The following SDHAF4 variants were observed in gnomAD, a reference collection of about 807,000 sequenced individuals.
SDHAF4 encodes succinate dehydrogenase assembly factor 4, mitochondrial.
SDHAF4 carries 14 observed loss-of-function variants against 14.3 expected under a neutral mutation model. The ratio of observed to expected loss-of-function variants is 0.98; its 90% CI spans 0.65 to 1.53. The LOEUF (loss-of-function observed/expected upper bound fraction) is 1.53, where lower values mean the gene tolerates loss of function less well. SDHAF4 is among the 40% of genes most tolerant of loss of function. SDHAF4 has a pLI of 0.00. For synonymous variants in SDHAF4, 63 were observed against 47.3 expected, an observed-to-expected ratio of 1.33 and a Z score of -1.36; for missense variants, 141 against 129.3, an observed-to-expected ratio of 1.09 and a Z score of -0.44.
downstream of SDHAF4, among the ~76,000 whole-genome samples, chr6:70,590,120 C>T (rs1765245600): frequency 6.6e-6 from 1 of 152,136 alleles, no homozygotes; most frequent in Non-Finnish European, 1.5e-5. Context: ...GGCCTGTAAT[C>T]CCAGCTACTT....
At chr6:70,594,968 A>G in the SDHAF4 span, among the ~76,000 whole-genome samples, 1 of 151,974 alleles carries the variant, frequency 6.6e-6, no homozygotes, top group Admixed American at 6.6e-5. Flanking sequence ...CTATTCTTTT[A>G]TAAGCAACAG....
At chr6:70,578,773 G>A (rs1055716037) in intron 1 of SDHAF4, among the ~76,000 whole-genome samples, 1 of 152,094 alleles carries the variant, frequency 6.6e-6, no homozygotes, top group Non-Finnish European at 1.5e-5. Context: ...ACAAATAGGG[G>A]TCCAGTTTCA....
chr6:70,597,299 A>ATTTTTTTTTTTTTTTTTTTTTTTTTTT, the SDHAF4 span, among the ~76,000 whole-genome samples: 2 of 108,100 alleles, frequency 1.9e-5, no homozygotes, highest in African/African-American at 3.9e-5. Flanking sequence ...CGCCTGGCTA[A>ATTTTTTTTTTTTTTTTTTTTTTTTTTT]TTTTTTTTTT....
downstream of SDHAF4, among the ~76,000 whole-genome samples, chr6:70,592,923 G>C (rs1765270779): frequency 6.6e-6 from 1 of 152,190 alleles, no homozygotes; most frequent in African/African-American, 2.4e-5. Flanking sequence ...GATCCCAAAG[G>C]CATTTCAGAA....
intron 2 of SDHAF4, among the ~76,000 whole-genome samples, chr6:70,582,885 CTG>C (rs1320236641): frequency 6.6e-6 from 1 of 152,102 alleles, no homozygotes; most frequent in Non-Finnish European, 1.5e-5. Flanking sequence ...TCTAAGAAAA[CTG>C]TGTAGGTTGT....
At chr6:70,592,617 G>T (rs139140198), downstream of SDHAF4, among the ~76,000 whole-genome samples, 2 of 152,324 alleles carry the variant, frequency 1.3e-5, no homozygotes, top group Non-Finnish European at 2.9e-5. Flanking sequence ...TAAGAATGAT[G>T]AATTAGAATA....
downstream of SDHAF4, among the ~76,000 whole-genome samples, chr6:70,590,038 G>A (rs1469767028): frequency 6.6e-6 from 1 of 152,180 alleles, no homozygotes; most frequent in Admixed American, 6.5e-5. Context: ...AGGAGTTCGA[G>A]ACCAGCCTGG....
intron 1 of SDHAF4, among the ~76,000 whole-genome samples, chr6:70,576,974 G>C (rs1802263760): frequency 6.6e-6 from 1 of 152,196 alleles, no homozygotes; most frequent in African/African-American, 2.4e-5. Context: ...GTCTCACTGA[G>C]CTAGAACCAG....
At chr6:70,567,928 G>A (rs1380815463) in intron 1 of SDHAF4, among the ~76,000 whole-genome samples, 1 of 152,050 alleles carries the variant, frequency 6.6e-6, no homozygotes, top group African/African-American at 2.4e-5. Context: ...CTTGTGATCC[G>A]CTCGCCTCGG....
intron 1 of SDHAF4, among the ~76,000 whole-genome samples, chr6:70,577,258 A>C (rs1802268122): frequency 6.6e-6 from 1 of 152,112 alleles, no homozygotes; most frequent in Admixed American, 6.6e-5. Flanking sequence ...TCACCGTGTA[A>C]CCAAACCTAT....
intron 1 of SDHAF4, among the ~76,000 whole-genome samples, chr6:70,578,038 G>T (rs145694030): frequency 1.3e-5 from 2 of 152,184 alleles, no homozygotes; most frequent in African/African-American, 4.8e-5. Flanking sequence ...ACATGCAAGC[G>T]CATGTGTCTT....
chr6:70,580,929 TTTG>T (rs1159408230), intron 2 of SDHAF4, among the ~76,000 whole-genome samples: 2 of 151,940 alleles, frequency 1.3e-5, no homozygotes, highest in Admixed American at 6.6e-5. Context: ...TGAATATATT[TTTG>T]TTGTTGTTTT....
chr6:70,573,648 T>TTTTTC (rs752249033), intron 1 of SDHAF4, among the ~76,000 whole-genome samples: 3 of 151,734 alleles, frequency 2.0e-5, no homozygotes, highest in South Asian at 2.1e-4. Flanking sequence ...CTAATTTTTC[T>TTTTTC]TTTTCTTTTC....
At chr6:70,594,440 G>C (rs1765283929), downstream of SDHAF4, among the ~76,000 whole-genome samples, 1 of 152,154 alleles carries the variant, frequency 6.6e-6, no homozygotes. Flanking sequence ...TGAGGCATTA[G>C]TGGCTTTATA....
intron 1 of SDHAF4, among the ~76,000 whole-genome samples, chr6:70,572,934 A>G (rs1480122429): frequency 1.3e-5 from 2 of 151,988 alleles, no homozygotes; most frequent in Non-Finnish European, 2.9e-5. Context: ...ATGTTAAAGC[A>G]TTTTCTCTGT....
intron 1 of SDHAF4, among the ~76,000 whole-genome samples, chr6:70,576,874 C>A (rs373957189): frequency 1.3e-5 from 2 of 152,280 alleles, no homozygotes; most frequent in East Asian, 3.9e-4. Flanking sequence ...TAAGTGGTTG[C>A]ATTTGTTTCC....
chr6:70,587,479 G>GGAAAA (rs1765215326), intron 2 of SDHAF4, among the ~76,000 whole-genome samples: 1 of 152,200 alleles, frequency 6.6e-6, no homozygotes, highest in Admixed American at 6.5e-5. Context: ...GGGCAACAGA[G>GGAAAA]CTAGGCTCCA....
chr6:70,569,381 G>A (rs1581924838), intron 1 of SDHAF4, among the ~76,000 whole-genome samples: 1 of 152,072 alleles, frequency 6.6e-6, no homozygotes, highest in South Asian at 2.1e-4. Context: ...CGATTCTCCT[G>A]CCTCAGCCTC....
chr6:70,595,162 C>G, the SDHAF4 span, among the ~76,000 whole-genome samples: 1 of 152,122 alleles, frequency 6.6e-6, no homozygotes, highest in Non-Finnish European at 1.5e-5. Flanking sequence ...GCTGGGCTCC[C>G]CTAAGGTATC....
Sources: gnomAD v4.1 joint callset for allele counts (sites outside exome capture counted in the v4.1 genomes callset) on GRCh38, gnomAD v4.1.1 for gene constraint, MANE v1.5 for transcripts, NCBI Gene and HGNC (gene_info 2026-07-23, HGNC 2026-07-21) for gene names.